Variants in CLIC6 observed in about 807,000 individuals in gnomAD.
CLIC6 encodes chloride intracellular channel protein 6.
Under a neutral mutation model 49.2 loss-of-function variants are expected in CLIC6, and 39 were observed. That is an observed-to-expected ratio of 0.79 (90% CI 0.61 to 1.04). The LOEUF is 1.04. CLIC6 is among the 50% of genes least tolerant of loss of function. CLIC6 has a pLI of 0.00. For synonymous variants in CLIC6, 446 were observed against 433.4 expected (o/e 1.03, Z -0.36); for missense variants, 988 against 993.1 (o/e 0.99, Z 0.07).
At chr21:34,694,169 C>T (rs374777594) in intron 1 of CLIC6, among the ~76,000 whole-genome samples, 5 of 136,326 alleles carry the variant, frequency 3.7e-5, no homozygotes, top group African/African-American at 1.2e-4. Flanking sequence ...TTAGTAGAGG[C>T]GGGGTTTCAC....
chr21:34,698,199 C>T (rs571162792), intron 1 of CLIC6, among the ~76,000 whole-genome samples: 14 of 152,274 alleles, frequency 9.2e-5, no homozygotes, highest in East Asian at 1.9e-4. Flanking sequence ...GGGTACCTTC[C>T]GTGGTCCTGG....
At chr21:34,688,375 C>T (rs980118682) in intron 1 of CLIC6, among the ~76,000 whole-genome samples, 2 of 152,280 alleles carry the variant, frequency 1.3e-5, no homozygotes, top group Admixed American at 6.5e-5. Flanking sequence ...AGAGCGCAGG[C>T]GAGGGAAGAC....
chr21:34,681,611 G>A (rs1989782122), intron 1 of CLIC6, among the ~76,000 whole-genome samples: 1 of 151,542 alleles, frequency 6.6e-6, no homozygotes, highest in Admixed American at 6.5e-5. Context: ...GGCAGGAGGT[G>A]CAGTTAGTTT....
At chr21:34,703,185 C>A (rs909712469) in intron 1 of CLIC6, among the ~76,000 whole-genome samples, 70 of 152,192 alleles carry the variant, frequency 4.6e-4, no homozygotes, top group African/African-American at 1.7e-3. Flanking sequence ...TCAGAAAATA[C>A]CCAATTAAAA....
chr21:34,711,528 CAAATAAATAAATAAATAAATAAAT>C (rs35370301), intron 5 of CLIC6, among the ~76,000 whole-genome samples: 55 of 148,418 alleles, frequency 3.7e-4, no homozygotes, highest in Admixed American at 1.8e-3. Flanking sequence ...AATAAACAAA[CAAATAAATAAATAAATAAATAAAT>C]AAATAAATAA....
chr21:34,693,328 G>T (rs995055025), intron 1 of CLIC6, among the ~76,000 whole-genome samples: 2 of 152,066 alleles, frequency 1.3e-5, no homozygotes, highest in African/African-American at 4.8e-5. Flanking sequence ...CCCCACTAGG[G>T]GCTAAAAACT....
intron 1 of CLIC6, among the ~76,000 whole-genome samples, chr21:34,675,407 C>T (rs764533251): frequency 5.9e-5 from 9 of 152,058 alleles, no homozygotes; most frequent in Non-Finnish European, 2.9e-5. Flanking sequence ...GGGACTTGTT[C>T]TATGGGGCTT....
At chr21:34,709,203 A>G (rs2056038297) in intron 4 of CLIC6, among the ~76,000 whole-genome samples, 154 bp from the exon 5 acceptor site, 1 of 152,178 alleles carries the variant, frequency 6.6e-6, no homozygotes, top group Admixed American at 6.5e-5. Context: ...TGAGCCCTTT[A>G]TTCAGATATT....
intron 1 of CLIC6, among the ~76,000 whole-genome samples, chr21:34,688,399 C>A (rs913081926): frequency 2.0e-5 from 3 of 152,150 alleles, no homozygotes; most frequent in South Asian, 2.1e-4. Flanking sequence ...AGACGGAGAA[C>A]GACGGTTCAC....
chr21:34,695,316 T>C (rs937434572), intron 1 of CLIC6, among the ~76,000 whole-genome samples: 1 of 152,262 alleles, frequency 6.6e-6, no homozygotes, highest in Non-Finnish European at 1.5e-5. Flanking sequence ...GGTTCTCATT[T>C]TCAAGCGCTC....
At chr21:34,674,549 A>G (rs571650058) in intron 1 of CLIC6, among the ~76,000 whole-genome samples, 2 of 152,238 alleles carry the variant, frequency 1.3e-5, no homozygotes, top group East Asian at 1.9e-4. Flanking sequence ...CATGTTATTA[A>G]TTTGTCAGTT....
intron 5 of CLIC6, among the ~76,000 whole-genome samples, chr21:34,710,189 GA>G (rs1438781835): frequency 6.6e-6 from 1 of 152,216 alleles, no homozygotes; most frequent in African/African-American, 2.4e-5. Context: ...GAAGCTGGAG[GA>G]TCACTTGAGC....
chr21:34,686,778 C>T (rs543892112), intron 1 of CLIC6, among the ~76,000 whole-genome samples: 1 of 152,102 alleles, frequency 6.6e-6, no homozygotes, highest in South Asian at 2.1e-4. Context: ...GCTGTCTTGG[C>T]CCCCTCAGAC....
rs191540186 is a variant in CLIC6 at position 34,682,340 on chromosome 21, C to G, written c.1374+11578C>G. Among the ~76,000 whole-genome samples, 165 of 152,266 alleles carry G rather than the reference C, an allele frequency of 1.1e-3. 1 individual carries two copies. Among genetic ancestry groups the G allele is most frequent in the African/African-American group, 3.9e-3 (161 of 41,558 alleles). On this transcript the variant is annotated intron_variant, in intron 1 of 5. Transcript: ENST00000349499. ...TGAGGTATTATCAAATATTTTGAAT[C>G]TGAGAGGTGAAAATAATGTCCATTG...
intron 1 of CLIC6, among the ~76,000 whole-genome samples, chr21:34,684,907 C>CT (rs1748753349): frequency 6.6e-6 from 1 of 152,198 alleles, no homozygotes; most frequent in African/African-American, 2.4e-5. Context: ...GATGAAGTGG[C>CT]TGTCAGTTTC....
intron 1 of CLIC6, among the ~76,000 whole-genome samples, chr21:34,685,190 A>C (rs1989853922): frequency 3.3e-5 from 5 of 152,222 alleles, no homozygotes; most frequent in African/African-American, 1.2e-4. Context: ...GCACTCCAGC[A>C]ATCCCCCAAG....
At chr21:34,681,945 C>T (rs1989787085) in intron 1 of CLIC6, among the ~76,000 whole-genome samples, 1 of 152,174 alleles carries the variant, frequency 6.6e-6, no homozygotes, top group South Asian at 2.1e-4. Flanking sequence ...TGGTTTACAT[C>T]TTGCTTTCTT....
intron 5 of CLIC6, among the ~76,000 whole-genome samples, chr21:34,714,343 C>T (rs919517330): frequency 2.0e-5 from 3 of 152,156 alleles, no homozygotes; most frequent in African/African-American, 7.2e-5. Context: ...AGCACAGATA[C>T]ATAAATTCCC....
intron 1 of CLIC6, among the ~76,000 whole-genome samples, chr21:34,680,148 C>T (rs1989748920): frequency 6.6e-6 from 1 of 152,248 alleles, no homozygotes; most frequent in Non-Finnish European, 1.5e-5. Flanking sequence ...CATATATCCT[C>T]TGAAATCTAG....
Sources: allele counts gnomAD v4.1 joint callset (sites outside exome capture counted in the v4.1 genomes callset), GRCh38; gene constraint gnomAD v4.1.1; transcripts MANE v1.5; gene names NCBI Gene and HGNC (gene_info 2026-07-23, HGNC 2026-07-21).